The following XCR1 variants were observed in gnomAD, a reference collection of about 807,000 sequenced individuals.
XCR1 encodes chemokine XC receptor 1.
For synonymous variants in XCR1, 187 were observed against 188.5 expected (o/e 0.99, Z 0.06); for missense variants, 356 against 424.2 (o/e 0.84, Z 1.41).
rs1708102495 is a variant in XCR1, at chr3:46,019,558, C to T, written c.*1388G>A. 6.6e-6 allele frequency: 1 copy of T among 152,166 alleles called. No individual in the cohort carries two copies. Among genetic ancestry groups the T allele is most frequent in the Non-Finnish European group, 1.5e-5 (1 of 68,056 alleles). The allele number at this position is 152,166 out of a possible 1,614,324, so 9.4% of individuals were successfully genotyped here. On this transcript the variant is annotated 3_prime_UTR_variant, in exon 2 of 2. Coordinates refer to ENST00000309285, the MANE Select transcript of XCR1 (RefSeq NM_001024644.2). ...CTGGCCTGTCAGCTAGAACATGTTCCAGGCCCAGGTGACAGCATGACAAAT... is the reference window on the plus strand; with the variant it reads ...CTGGCCTGTCAGCTAGAACATGTTCTAGGCCCAGGTGACAGCATGACAAAT...
chr3:46,020,620 A>G lies in XCR1; in HGVS notation c.*326T>C. The stretch of plus-strand genomic sequence containing the variant: ...AAGTCTCCAAGGAAGCACCTTTCCC[A>G]GAATCCTTTCATGTCTTAGAACCTT... On this transcript the variant is annotated 3_prime_UTR_variant, in exon 2 of 2. Transcript: ENST00000309285. 3.1e-6 allele frequency: 1 copy of G among 326,244 alleles called. No homozygotes were observed. The highest frequency in any genetic ancestry group is 5.7e-6 in the Non-Finnish European group (1 of 176,658). The allele number at this position is 326,244 out of a possible 1,614,324, so 20.2% of individuals were successfully genotyped here.
chr3:46,059,958 C>T (rs1559491135), intron 4 of XCR1, among the ~76,000 whole-genome samples: 1 of 152,104 alleles, frequency 6.6e-6, no homozygotes, highest in Non-Finnish European at 1.5e-5. Context: ...TAGTTCTTTC[C>T]CTAGATACCT....
intron 1 of XCR1, among the ~76,000 whole-genome samples, chr3:46,077,533 G>A (rs889941041): frequency 6.6e-6 from 1 of 152,006 alleles, no homozygotes; most frequent in Admixed American, 6.6e-5. Context: ...TAGAAATAAA[G>A]TGCACAATAA....
intron 4 of XCR1, among the ~76,000 whole-genome samples, chr3:46,061,969 G>C (rs1406659263): frequency 6.6e-6 from 1 of 152,128 alleles, no homozygotes; most frequent in African/African-American, 2.4e-5. Flanking sequence ...TCCATCCCCG[G>C]AACCCCTAAG....
chr3:46,054,491 A>T (rs1017152094), intron 4 of XCR1, among the ~76,000 whole-genome samples: 1 of 151,046 alleles, frequency 6.6e-6, no homozygotes, highest in Non-Finnish European at 1.5e-5. Context: ...GAACTAAATA[A>T]TGTGTACACA....
chr3:46,060,195 T>G (rs1697934204), intron 4 of XCR1, among the ~76,000 whole-genome samples: 2 of 152,232 alleles, frequency 1.3e-5, no homozygotes, highest in African/African-American at 4.8e-5. Flanking sequence ...TATAGATACC[T>G]TCTTCCACTA....
At chr3:46,022,714 A>T (rs1261216961) in intron 1 of XCR1, among the ~76,000 whole-genome samples, 2 of 152,248 alleles carry the variant, frequency 1.3e-5, no homozygotes, top group African/African-American at 2.4e-5. Flanking sequence ...TGTTAAGACA[A>T]ACACCAAATA....
chr3:46,035,705 G>A (rs1262200679), intron 5 of XCR1, among the ~76,000 whole-genome samples: 4 of 152,196 alleles, frequency 2.6e-5, no homozygotes, highest in African/African-American at 9.7e-5. Flanking sequence ...TCCTTTGTGG[G>A]CCCAGACAGC....
At position 46,021,698 on chromosome 3, in the gene XCR1, A is replaced by G; in HGVS notation, c.250T>C (p.Leu84=). The G allele has an allele frequency of 6.2e-7, 1 of 1,614,076 alleles. No individual in the cohort carries two copies. Among genetic ancestry groups the G allele is most frequent in the Non-Finnish European group, 8.5e-7 (1 of 1,179,996 alleles). Residue 84 remains leucine (L), a synonymous_variant, in exon 2 of 2, where the codon TTG becomes CTG. Transcript: ENST00000309285. This position sits in a 1 kb window ranked among gnomAD's most constrained non-coding sequence, Gnocchi z 4.7. ...TGGTATGGGGAGATCCACACAGGCA[A>G]CAAGCAGGCGAACACCAGGTCTGAG... The part of the protein sequence containing the change: ...CLSDLVFACL[L]PVWISPYHWG...
chr3:46,073,958 C>G (rs1388939720), intron 3 of XCR1, among the ~76,000 whole-genome samples: 1 of 151,214 alleles, frequency 6.6e-6, no homozygotes, highest in East Asian at 1.9e-4. Context: ...AAAGGGAACT[C>G]TTATACATTG....
intron 1 of XCR1, among the ~76,000 whole-genome samples, chr3:46,084,548 A>AT (rs1698437087): frequency 6.6e-6 from 1 of 152,200 alleles, no homozygotes; most frequent in Non-Finnish European, 1.5e-5. Flanking sequence ...TGTAAAGCCA[A>AT]TCCCTAATCA....
intron 4 of XCR1, among the ~76,000 whole-genome samples, chr3:46,061,518 C>T (rs1697961313): frequency 6.6e-6 from 1 of 152,196 alleles, no homozygotes; most frequent in African/African-American, 2.4e-5. Context: ...CTGAGTTCAC[C>T]CTTTGGTGAA....
At chr3:46,041,388 G>T (rs191550998) in intron 5 of XCR1, among the ~76,000 whole-genome samples, 43 of 152,222 alleles carry the variant, frequency 2.8e-4, no homozygotes, top group African/African-American at 9.9e-4. Flanking sequence ...TTATTTTGCT[G>T]GTAAATTGGT....
intron 5 of XCR1, among the ~76,000 whole-genome samples, chr3:46,032,926 C>A (rs138931794): frequency 6.6e-6 from 1 of 152,276 alleles, no homozygotes; most frequent in East Asian, 1.9e-4. Context: ...TGTCTATCAT[C>A]TGTGGTGAAG....
intron 1 of XCR1, chr3:46,023,798 T>C: frequency 3.2e-6 from 5 of 1,538,602 alleles, no homozygotes; most frequent in South Asian, 1.1e-5. Flanking sequence ...AAAACAATTA[T>C]AGAGGAATAG....
intron 5 of XCR1, among the ~76,000 whole-genome samples, chr3:46,042,488 G>T (rs1697553630): frequency 6.6e-6 from 1 of 152,048 alleles, no homozygotes; most frequent in Admixed American, 6.6e-5. Flanking sequence ...AAGGAAAGTG[G>T]GGACATTACT....
At chr3:46,075,052 A>G (rs755103644) in intron 2 of XCR1, among the ~76,000 whole-genome samples, 17 of 152,212 alleles carry the variant, frequency 1.1e-4, no homozygotes, top group Non-Finnish European at 2.4e-4. Flanking sequence ...TATTTAAAGA[A>G]TAATTAGCAC....
chr3:46,047,764 A>G (rs1697663203), intron 5 of XCR1, among the ~76,000 whole-genome samples: 1 of 152,206 alleles, frequency 6.6e-6, no homozygotes, highest in African/African-American at 2.4e-5. Context: ...AAAGAAGAAG[A>G]ATTAAAAGCT....
rs1254082221 is a variant in XCR1 at position 46,020,031 on chromosome 3, T to G, written c.*915A>C. On this transcript the variant is annotated 3_prime_UTR_variant, in exon 2 of 2. Transcript: ENST00000309285. ...TGGAGTGTGGGTGGGTGGGGGGAGC[T>G]ACCACCATCAACCAAATAGGAGGAG... 1 of 152,140 alleles carries G rather than the reference T, an allele frequency of 6.6e-6. No homozygotes were observed. The allele number at this position is 152,140 out of a possible 1,614,324, so 9.4% of individuals were successfully genotyped here.
Sources: gnomAD v4.1 joint callset for allele counts (sites outside exome capture counted in the v4.1 genomes callset) on GRCh38, gnomAD v4.1.1 for gene constraint, Gnocchi (gnomAD v3.1) non-coding constraint, MANE v1.5 for transcripts, NCBI Gene and HGNC (gene_info 2026-07-23, HGNC 2026-07-21) for gene names.